Variants in UGT1A6 observed in about 807,000 individuals in gnomAD.
UGT1A6 encodes the protein UDP-glucuronosyltransferase 1A6.
A neutral mutation model predicts 44.4 loss-of-function variants in UGT1A6; 32 were observed. The ratio of observed to expected loss-of-function variants is 0.72; its 90% CI spans 0.54 to 0.97. The LOEUF (loss-of-function observed/expected upper bound fraction) is 0.97, where lower values mean the gene tolerates loss of function less well. Ranked by LOEUF, UGT1A6 falls within the 50% of genes least tolerant of loss-of-function variation. The probability of loss-of-function intolerance (pLI) is 0.00; values close to 1 mark genes in which losing one functional copy is unlikely to be tolerated. For synonymous variants in UGT1A6, 238 were observed against 248.5 expected, an observed-to-expected ratio of 0.96 and a Z score of 0.40; for missense variants, 685 against 661.9, an observed-to-expected ratio of 1.03 and a Z score of -0.38.
At chr2:233,762,448 C>T (rs2125997990) in intron 1 of UGT1A6, among the ~76,000 whole-genome samples, 1 of 152,302 alleles carries the variant, frequency 6.6e-6, no homozygotes, top group East Asian at 1.9e-4. Context: ...TCCCACTGCC[C>T]ACTTACCGAT....
Position 233,693,687 on chromosome 2 carries a change from A to C in UGT1A6, c.683A>C (p.Lys228Thr). The C allele has an allele frequency of 6.2e-7, 1 of 1,614,230 alleles. No individual in the cohort carries two copies. Among genetic ancestry groups the C allele is most frequent in the South Asian group, 1.1e-5 (1 of 91,088 alleles). Residue 228 changes from lysine (K) to threonine (T), a missense_variant, in exon 1 of 5, where the codon AAG becomes ACG. Transcript: ENST00000305139. ...EPYLFYCLFS[K>T]YEELASAVLK... is the part of the protein sequence containing the mutation. ...TATCTATTTTATTGTCTGTTTTCAA[A>C]GTATGAAGAACTCGCATCAGCTGTC...
chr2:233,747,371 C>G (rs757857857), intron 1 of UGT1A6: 19 of 1,604,150 alleles, frequency 1.2e-5, no homozygotes, highest in Non-Finnish European at 1.5e-5. Flanking sequence ...AGCTCCATGC[C>G]AGAGGCCACC....
At chr2:233,709,578 A>G (rs2125616142) in intron 1 of UGT1A6, among the ~76,000 whole-genome samples, 1 of 152,336 alleles carries the variant, frequency 6.6e-6, no homozygotes, top group South Asian at 2.1e-4. Flanking sequence ...AAATTCAAAA[A>G]ATATACCAGG....
At chr2:233,704,669 C>T (rs2075802744) in intron 1 of UGT1A6, among the ~76,000 whole-genome samples, 1 of 152,008 alleles carries the variant, frequency 6.6e-6, no homozygotes, top group Admixed American at 6.6e-5. Flanking sequence ...TTCCTTTGTT[C>T]TTATGGATCT....
intron 1 of UGT1A6, among the ~76,000 whole-genome samples, chr2:233,706,826 G>A (rs1466880885): frequency 6.6e-6 from 1 of 152,170 alleles, no homozygotes; most frequent in African/African-American, 2.4e-5. Context: ...CCCAGGGCAG[G>A]ACTCTAAACA....
upstream of UGT1A6, chr2:233,692,770 A>T (rs1187412546): frequency 7.8e-7 from 1 of 1,276,410 alleles, no homozygotes; most frequent in African/African-American, 1.5e-5. Context: ...GAAGAGAAAC[A>T]CCCAGAAGCT....
At position 233,769,202 on chromosome 2, in the gene UGT1A6, CACAG is replaced by C. The variant is rs1699813403; in HGVS notation, c.1301+767_1301+770del. Among the ~76,000 whole-genome samples the C allele has an allele frequency of 6.6e-6, 1 of 152,204 alleles. No homozygotes were observed. Among genetic ancestry groups the C allele is most frequent in the African/African-American group, 2.4e-5 (1 of 41,446 alleles). On this transcript the variant is annotated intron_variant, in intron 4 of 4. Coordinates refer to ENST00000305139, the MANE Select transcript of UGT1A6 (RefSeq NM_001072.4). The surrounding 1 kb of genome is among the most constrained non-coding windows in gnomAD (Gnocchi z 4.4). ...TATGAATGAAGGAGCTATAAGATAT[CACAG>C]ACAAAGTCTTAGAATAAGAGCAAAG...
intron 1 of UGT1A6, among the ~76,000 whole-genome samples, chr2:233,705,671 A>G (rs1206760677): frequency 6.6e-6 from 1 of 152,224 alleles, no homozygotes; most frequent in African/African-American, 2.4e-5. Context: ...TAGTTGTGAG[A>G]TAATATTCAC....
intron 3 of UGT1A6, 45 bp downstream of exon 3, chr2:233,767,981 T>G: frequency 6.2e-7 from 1 of 1,614,178 alleles, no homozygotes; most frequent in Non-Finnish European, 8.5e-7. Flanking sequence ...AGGGTCAAAT[T>G]AAGAAAATGG....
chr2:233,710,208 A>C (rs2076119375), intron 1 of UGT1A6, among the ~76,000 whole-genome samples: 1 of 152,230 alleles, frequency 6.6e-6, no homozygotes, highest in South Asian at 2.1e-4. Context: ...GTTGTTGGCT[A>C]TTATGAATAA....
Position 233,707,673 on chromosome 2 carries a change from C to T in UGT1A6, c.861+13808C>T, listed in dbSNP as rs184821134. Among the ~76,000 whole-genome samples the T allele has an allele frequency of 1.2e-3, 184 of 152,082 alleles. 1 individual carries two copies. The highest frequency in any genetic ancestry group is 4.2e-3 in the African/African-American group (173 of 41,484). On this transcript the variant is annotated intron_variant, in intron 1 of 4. Coordinates refer to ENST00000305139, the MANE Select transcript of UGT1A6 (RefSeq NM_001072.4). ...ACCACAATTTTATTTATCCATTCTA[C>T]TGTTGATGGGCTTTGGGTTGTATCT...
intron 1 of UGT1A6, chr2:233,729,551 A>G (rs749535297): frequency 1.9e-6 from 3 of 1,614,038 alleles, no homozygotes; most frequent in Non-Finnish European, 2.5e-6. Flanking sequence ...AGGCACCTGA[A>G]TGCTACTTCC....
In UGT1A6 at chr2:233,772,599, C is replaced by G. The variant is rs1313882407; in HGVS notation, c.*40C>G. 1 of 1,591,492 alleles carries G rather than the reference C, an allele frequency of 6.3e-7. No homozygotes were observed. Among genetic ancestry groups the G allele is most frequent in the Admixed American group, 1.8e-5 (1 of 56,352 alleles). On this transcript the variant is annotated 3_prime_UTR_variant, in exon 5 of 5. Transcript: ENST00000305139. Reference sequence around the variant, plus strand: ...ATAAGGTAAAATTTTGAACCATTCCCTAGTCATTTCCAAACTTGAAAACAG... The same window carrying G: ...ATAAGGTAAAATTTTGAACCATTCCGTAGTCATTTCCAAACTTGAAAACAG...
At chr2:233,720,001 A>G (rs904856) in intron 1 of UGT1A6, among the ~76,000 whole-genome samples, 12,162 of 152,212 alleles carry the variant, frequency 0.08, 620 homozygotes, top group East Asian at 0.2. Context: ...CACTACATTC[A>G]GAACTGATCC....
At chr2:233,725,897 G>A (rs2077482523) in intron 1 of UGT1A6, among the ~76,000 whole-genome samples, 1 of 152,122 alleles carries the variant, frequency 6.6e-6, no homozygotes, top group Admixed American at 6.5e-5. Flanking sequence ...GCAGGTGGGT[G>A]GCTCACACCT....
At chr2:233,766,971 A>G (rs769177470) in intron 1 of UGT1A6, 63 bp from the exon 2 acceptor site, 76 of 1,610,288 alleles carry the variant, frequency 4.7e-5, no homozygotes, top group Non-Finnish European at 6.1e-5. Flanking sequence ...TTCATAACTT[A>G]CTGTATGTAG....
chr2:233,772,588 T>C lies in UGT1A6; in HGVS notation c.*29T>C, dbSNP rs945548426. The stretch of plus-strand genomic sequence containing the variant: ...GTGGGTGGGAAATAAGGTAAAATTT[T>C]GAACCATTCCCTAGTCATTTCCAAA... On this transcript the variant is annotated 3_prime_UTR_variant, in exon 5 of 5. Transcript: ENST00000305139. The C allele has an allele frequency of 1.1e-5, 18 of 1,603,922 alleles. No individual in the cohort carries two copies. In the African/African-American group the frequency reaches 1.7e-4, roughly 16 times the overall value.
intron 1 of UGT1A6, among the ~76,000 whole-genome samples, chr2:233,764,826 T>G (rs932278016): frequency 5.9e-5 from 9 of 151,744 alleles, no homozygotes; most frequent in African/African-American, 2.2e-4. Flanking sequence ...TGCAGCATGG[T>G]GGTGGGGAGG....
intron 1 of UGT1A6, among the ~76,000 whole-genome samples, chr2:233,724,181 C>G (rs2077184625): frequency 7.7e-6 from 1 of 129,200 alleles, no homozygotes; most frequent in Non-Finnish European, 1.6e-5. Context: ...CATCTCCCTC[C>G]CGGACGGGGT....
Sources: gnomAD v4.1 joint callset for allele counts (sites outside exome capture counted in the v4.1 genomes callset) on GRCh38, gnomAD v4.1.1 for gene constraint, Gnocchi (gnomAD v3.1) non-coding constraint, MANE v1.5 for transcripts, NCBI Gene and HGNC (gene_info 2026-07-23, HGNC 2026-07-21) for gene names.